NBEA: variants seen among roughly 807,000 people sequenced by gnomAD.
NBEA encodes the protein neurobeachin.
Under a neutral mutation model 343.4 loss-of-function variants are expected in NBEA, and 44 were observed. That is an observed-to-expected ratio of 0.13 (90% CI 0.10 to 0.16). The LOEUF (loss-of-function observed/expected upper bound fraction) is 0.16. Among genes scored for constraint, NBEA ranks in the 10% least tolerant of loss-of-function variants. The pLI is 1.00. For synonymous variants in NBEA, 1,175 were observed against 1,238.7 expected (o/e 0.95, Z 1.08); for missense variants, 2,555 against 3,631.3 (o/e 0.70, Z 7.62).
chr13:35,210,367 T>C (rs2073689437), intron 32 of NBEA, among the ~76,000 whole-genome samples: 1 of 152,028 alleles, frequency 6.6e-6, no homozygotes, highest in African/African-American at 2.4e-5. Context: ...TATTGGCACA[T>C]AGGTGCTATA....
At chr13:35,475,491 G>A (rs771136132) in intron 41 of NBEA, 2 of 1,612,500 alleles carry the variant, frequency 1.2e-6, no homozygotes, top group Non-Finnish European at 1.7e-6. Context: ...CGGCCAAGGA[G>A]TGGCACTCCT....
chr13:35,384,899 T>C (rs891655681), intron 38 of NBEA, among the ~76,000 whole-genome samples: 1 of 152,178 alleles, frequency 6.6e-6, no homozygotes, highest in Admixed American at 6.5e-5. Flanking sequence ...ATTATGATAT[T>C]GCACCATTCC....
intron 41 of NBEA, among the ~76,000 whole-genome samples, chr13:35,542,155 C>A (rs924689180): frequency 1.9e-4 from 28 of 149,978 alleles, no homozygotes; most frequent in Non-Finnish European, 3.0e-4. Flanking sequence ...TTTTGACACC[C>A]CCCCCCCACC....
intron 41 of NBEA, among the ~76,000 whole-genome samples, chr13:35,548,205 A>G (rs1041958176): frequency 6.6e-6 from 1 of 152,198 alleles, no homozygotes; most frequent in African/African-American, 2.4e-5. Context: ...AGAGCAAGCA[A>G]TTAAGGGTGA....
chr13:35,552,461 A>C (rs1413484836), intron 43 of NBEA, among the ~76,000 whole-genome samples: 1 of 152,332 alleles, frequency 6.6e-6, no homozygotes, highest in East Asian at 1.9e-4. Context: ...TATAAAATAC[A>C]GGTCAAAGAA....
At chr13:35,665,963 G>A (rs1428982136) in intron 56 of NBEA, among the ~76,000 whole-genome samples, 1 of 152,088 alleles carries the variant, frequency 6.6e-6, no homozygotes, top group Non-Finnish European at 1.5e-5. Flanking sequence ...TTCATTTCAG[G>A]AAGTCAGGAA....
intron 47 of NBEA, among the ~76,000 whole-genome samples, chr13:35,598,692 A>G (rs902972076): frequency 1.3e-5 from 2 of 152,186 alleles, no homozygotes; most frequent in Admixed American, 1.3e-4. Context: ...TTTCTCGTGA[A>G]TCACTCTGTG....
At chr13:35,344,050 C>A (rs1229322378) in intron 36 of NBEA, among the ~76,000 whole-genome samples, 1 of 151,922 alleles carries the variant, frequency 6.6e-6, no homozygotes, top group Non-Finnish European at 1.5e-5. Flanking sequence ...ACAAGTCTTA[C>A]CAGATTTTAA....
chr13:35,208,620 C>G (rs750600727), intron 31 of NBEA, 80 bp from the exon 32 acceptor site: 1 of 1,213,070 alleles, frequency 8.2e-7, no homozygotes, highest in African/African-American at 1.5e-5. Context: ...TCGATGTTGA[C>G]TATGTATATC....
intron 38 of NBEA, among the ~76,000 whole-genome samples, chr13:35,388,824 A>T (rs1030166477): frequency 6.6e-6 from 1 of 152,164 alleles, no homozygotes; most frequent in Non-Finnish European, 1.5e-5. Flanking sequence ...ATTATATTTT[A>T]TATTTTCCTT....
chr13:35,655,165 CTAACT>C (rs924426903), intron 54 of NBEA, among the ~76,000 whole-genome samples, 155 bp downstream of exon 54: 43 of 152,144 alleles, frequency 2.8e-4, no homozygotes, highest in African/African-American at 9.7e-4. Flanking sequence ...AGCAAAGTAA[CTAACT>C]ATAACTTCAT....
intron 38 of NBEA, among the ~76,000 whole-genome samples, chr13:35,416,184 G>A (rs899427462): frequency 1.3e-5 from 2 of 152,046 alleles, no homozygotes; most frequent in Non-Finnish European, 2.9e-5. Context: ...CTGCAAACAG[G>A]GACAATTTGA....
intron 36 of NBEA, among the ~76,000 whole-genome samples, chr13:35,321,280 G>A (rs949811307): frequency 6.6e-6 from 1 of 152,038 alleles, no homozygotes; most frequent in African/African-American, 2.4e-5. Flanking sequence ...GTTTTTGAGT[G>A]GGCGTCCTTT....
At chr13:35,349,261 C>A in intron 37 of NBEA, 45 bp downstream of exon 37, 2 of 1,086,450 alleles carry the variant, frequency 1.8e-6, no homozygotes, top group South Asian at 1.5e-5. Context: ...CTATTATAAG[C>A]CAAAAATCAC....
At chr13:35,193,193 CATAG>C (rs2072326532) in intron 30 of NBEA, among the ~76,000 whole-genome samples, 1 of 151,844 alleles carries the variant, frequency 6.6e-6, no homozygotes, top group Non-Finnish European at 1.5e-5. Context: ...ATGTACAATC[CATAG>C]ATACAAATGT....
intron 38 of NBEA, among the ~76,000 whole-genome samples, chr13:35,402,619 T>C (rs986228316): frequency 2.6e-5 from 4 of 152,096 alleles, no homozygotes; most frequent in African/African-American, 9.6e-5. Flanking sequence ...TTCAGCCAAG[T>C]TAAGAGCTTT....
chr13:35,466,095 T>C (rs1309423964), intron 40 of NBEA, among the ~76,000 whole-genome samples: 1 of 152,182 alleles, frequency 6.6e-6, no homozygotes, highest in East Asian at 1.9e-4. Context: ...TTTTAGACTG[T>C]GCTAAGTTGA....
intron 49 of NBEA, among the ~76,000 whole-genome samples, chr13:35,640,499 C>T (rs115720169): frequency 1.4e-3 from 215 of 152,290 alleles, no homozygotes; most frequent in African/African-American, 5.1e-3. Flanking sequence ...TACCCATGCA[C>T]GGTGGCCCTG....
chr13:35,219,390 T>G (rs570072804), intron 33 of NBEA, among the ~76,000 whole-genome samples: 61 of 152,220 alleles, frequency 4.0e-4, no homozygotes, highest in Admixed American at 1.2e-3. Flanking sequence ...CAGAATAACA[T>G]AGAGGGCTTG....
Sources: gnomAD v4.1 joint callset for allele counts (sites outside exome capture counted in the v4.1 genomes callset) on GRCh38, gnomAD v4.1.1 for gene constraint, MANE v1.5 for transcripts, NCBI Gene and HGNC (gene_info 2026-07-23, HGNC 2026-07-21) for gene names.